The following THSD4 variants were observed in gnomAD, a reference collection of about 807,000 sequenced individuals.
THSD4 encodes the protein thrombospondin type-1 domain-containing protein 4.
In THSD4, 69 loss-of-function variants were observed where a neutral mutation model predicts 119.0. That is an observed-to-expected ratio of 0.58 (90% confidence interval 0.48 to 0.71). THSD4 has a LOEUF of 0.71. Ranked by LOEUF, THSD4 falls within the 30% of genes least tolerant of loss-of-function variation. The pLI, the probability that THSD4 is intolerant of heterozygous loss-of-function variation, is 0.00. For synonymous variants in THSD4, 524 were observed against 540.4 expected (o/e 0.97, Z 0.42); for missense variants, 1,393 against 1,391.1 (o/e 1.00, Z -0.02).
At chr15:71,675,450 T>G (rs1192996691) in intron 8 of THSD4, among the ~76,000 whole-genome samples, 1 of 152,220 alleles carries the variant, frequency 6.6e-6, no homozygotes, top group African/African-American at 2.4e-5. Context: ...CAGTCTTCTC[T>G]GGAGTACACA....
At chr15:71,398,419 G>A (rs2046480442) in intron 6 of THSD4, among the ~76,000 whole-genome samples, 1 of 152,064 alleles carries the variant, frequency 6.6e-6, no homozygotes, top group Admixed American at 6.6e-5. Flanking sequence ...AATGGGGAGA[G>A]GGCAGGAAAC....
At chr15:71,411,957 G>A (rs546899602) in intron 7 of THSD4, 134 bp downstream of exon 7, 28 of 1,220,230 alleles carry the variant, frequency 2.3e-5, no homozygotes, top group Non-Finnish European at 6.8e-6. Context: ...TGCGCTCTGG[G>A]AGGAGTGGGC....
intron 7 of THSD4, among the ~76,000 whole-genome samples, chr15:71,543,583 C>T (rs1459716221): frequency 6.6e-6 from 1 of 152,158 alleles, no homozygotes; most frequent in Non-Finnish European, 1.5e-5. Flanking sequence ...ATGGAGGAAA[C>T]AGGAGGAAGA....
chr15:71,165,283 G>A, intron 3 of THSD4: 1 of 1,589,168 alleles, frequency 6.3e-7, no homozygotes, highest in Non-Finnish European at 8.6e-7. Flanking sequence ...ACCTCTCTGA[G>A]CACTTCTTAG....
At chr15:71,642,063 A>G (rs1301135357) in intron 7 of THSD4, among the ~76,000 whole-genome samples, 1 of 152,208 alleles carries the variant, frequency 6.6e-6, no homozygotes, top group Non-Finnish European at 1.5e-5. Context: ...GTACACAGAG[A>G]GAAGAGGATT....
intron 1 of THSD4, among the ~76,000 whole-genome samples, chr15:71,097,708 GTA>G (rs199991097): frequency 0.14 from 18,737 of 138,042 alleles, 1,311 homozygotes; most frequent in African/African-American, 0.17. Context: ...ACAGAAAGAT[GTA>G]TATATATATA....
intron 6 of THSD4, among the ~76,000 whole-genome samples, chr15:71,361,882 A>C (rs1238826250): frequency 6.6e-6 from 1 of 152,254 alleles, no homozygotes; most frequent in Non-Finnish European, 1.5e-5. Context: ...GTGAACACCA[A>C]AAATGTGTAA....
At chr15:71,119,862 A>G (rs1421786658) in intron 1 of THSD4, among the ~76,000 whole-genome samples, 2 of 151,920 alleles carry the variant, frequency 1.3e-5, no homozygotes, top group Non-Finnish European at 2.9e-5. Context: ...TCCACTTCCT[A>G]CCCACCCAGC....
intron 7 of THSD4, among the ~76,000 whole-genome samples, chr15:71,500,953 A>G (rs903140330): frequency 6.6e-6 from 1 of 152,186 alleles, no homozygotes; most frequent in African/African-American, 2.4e-5. Flanking sequence ...CGTTTTGTCT[A>G]TTCAGGGTCC....
At chr15:71,724,782 G>A (rs983766639) in intron 8 of THSD4, among the ~76,000 whole-genome samples, 16 of 152,136 alleles carry the variant, frequency 1.1e-4, no homozygotes, top group Admixed American at 4.6e-4. Context: ...AGAGGCGGAG[G>A]AGGTTAAATA....
At chr15:71,752,878 C>A (rs2053473756) in intron 14 of THSD4, among the ~76,000 whole-genome samples, 1 of 152,186 alleles carries the variant, frequency 6.6e-6, no homozygotes, top group Non-Finnish European at 1.5e-5. Flanking sequence ...CAGTCTTCCA[C>A]TTTTGAATAG....
chr15:71,497,713 T>C (rs1262716661), intron 7 of THSD4, among the ~76,000 whole-genome samples: 1 of 152,182 alleles, frequency 6.6e-6, no homozygotes, highest in Non-Finnish European at 1.5e-5. Flanking sequence ...AGCGTCACCG[T>C]GTTGTATAGG....
intron 6 of THSD4, among the ~76,000 whole-genome samples, chr15:71,377,889 C>CACACACACACAA (rs2046166119): frequency 2.4e-5 from 2 of 84,000 alleles, no homozygotes; most frequent in Non-Finnish European, 4.9e-5. Context: ...CACACACACA[C>CACACACACACAA]ACACACACAC....
intron 6 of THSD4, among the ~76,000 whole-genome samples, chr15:71,384,207 G>A (rs548654604): frequency 5.3e-5 from 8 of 152,222 alleles, no homozygotes; most frequent in South Asian, 2.1e-4. Flanking sequence ...GTGAAACCCC[G>A]TCTCTACTAA....
chr15:71,465,356 A>T (rs1325448243), intron 7 of THSD4, among the ~76,000 whole-genome samples: 1 of 152,180 alleles, frequency 6.6e-6, no homozygotes, highest in Non-Finnish European at 1.5e-5. Flanking sequence ...CCGTAGTTTG[A>T]CACTTATGCT....
intron 3 of THSD4, among the ~76,000 whole-genome samples, chr15:71,212,851 G>A (rs62017768): frequency 0.43 from 66,050 of 152,000 alleles, 15,309 homozygotes; most frequent in Middle Eastern, 0.6. Context: ...TGGGGGAGCT[G>A]AGGGGCCCTG....
rs556096936 is a variant in THSD4 at position 71,317,488 on chromosome 15, C to G, written c.1015+60773C>G. On this transcript the variant is annotated intron_variant, in intron 6 of 17. Coordinates refer to ENST00000261862, the MANE Select transcript of THSD4 (RefSeq NM_024817.3). The stretch of plus-strand genomic sequence containing the variant: ...GGGAACTCCCCTTTTATAAAACCAT[C>G]AAATCTCATGAGACTTATTCACTAT... 2.0e-5 allele frequency among the ~76,000 whole-genome samples: 3 copies of G among 152,252 alleles called. No individual in the cohort carries two copies. In the South Asian group the frequency reaches 6.2e-4, roughly 32 times the overall value.
chr15:71,279,834 C>T (rs1005478466), intron 6 of THSD4, among the ~76,000 whole-genome samples: 1 of 151,844 alleles, frequency 6.6e-6, no homozygotes, highest in Non-Finnish European at 1.5e-5. Context: ...TTGATTCATG[C>T]AGTCACTTTT....
chr15:71,126,367 C>T, intron 1 of THSD4, among the ~76,000 whole-genome samples: 1 of 152,182 alleles, frequency 6.6e-6, no homozygotes, highest in East Asian at 1.9e-4. Context: ...ATGACGACTC[C>T]CCTTTCCCCC....
Sources: allele counts gnomAD v4.1 joint callset (sites outside exome capture counted in the v4.1 genomes callset), GRCh38; gene constraint gnomAD v4.1.1; transcripts MANE v1.5; gene names NCBI Gene and HGNC (gene_info 2026-07-23, HGNC 2026-07-21).